The following VPS13A variants were observed in gnomAD, a reference collection of about 807,000 sequenced individuals.
VPS13A encodes the protein intermembrane lipid transfer protein VPS13A.
In VPS13A, 264 loss-of-function variants were observed where a neutral mutation model predicts 390.9. The ratio of observed to expected loss-of-function variants is 0.68; its 90% CI spans 0.61 to 0.75. The LOEUF is 0.75. VPS13A is among the 30% of genes least tolerant of loss of function. The pLI is 0.00. For missense variants in VPS13A, 3,409 were observed against 3,733.9 expected, an observed-to-expected ratio of 0.91 and a Z score of 2.27; for synonymous variants, 1,231 against 1,227.1, an observed-to-expected ratio of 1.00 and a Z score of -0.07.
At chr9:77,379,239 A>ATTTTT (rs1324201977) in intron 67 of VPS13A, among the ~76,000 whole-genome samples, 12 of 123,030 alleles carry the variant, frequency 9.8e-5, no homozygotes, top group African/African-American at 3.6e-4. Flanking sequence ...TACCCAGCTA[A>ATTTTT]TTTTTTTTTT....
intron 59 of VPS13A, among the ~76,000 whole-genome samples, chr9:77,361,156 C>T (rs1832117244): frequency 6.6e-6 from 1 of 152,088 alleles, no homozygotes; most frequent in Non-Finnish European, 1.5e-5. Flanking sequence ...ACATTTCACC[C>T]ATTTAAAAGA....
At chr9:77,202,625 A>T (rs752115415) in intron 3 of VPS13A, among the ~76,000 whole-genome samples, 4 of 152,164 alleles carry the variant, frequency 2.6e-5, no homozygotes, top group Non-Finnish European at 5.9e-5. Flanking sequence ...TGAATTTTAC[A>T]GTGATGATTG....
chr9:77,277,958 A>G (rs1826783743), intron 26 of VPS13A, among the ~76,000 whole-genome samples: 1 of 152,230 alleles, frequency 6.6e-6, no homozygotes, highest in South Asian at 2.1e-4. Context: ...CTAAATCATC[A>G]AGAAACAGTT....
At chr9:77,307,875 A>G in intron 34 of VPS13A, 70 bp from the exon 35 acceptor site, 2 of 1,292,678 alleles carry the variant, frequency 1.5e-6, no homozygotes. Context: ...TCCTCTGAGA[A>G]TTTTAACTGC....
intron 23 of VPS13A, among the ~76,000 whole-genome samples, chr9:77,263,707 C>G (rs1825880328): frequency 6.6e-6 from 1 of 152,140 alleles, no homozygotes; most frequent in Non-Finnish European, 1.5e-5. Context: ...CCTGCTCACT[C>G]TGATGATAAT....
chr9:77,194,603 G>C (rs1002179719), intron 1 of VPS13A, among the ~76,000 whole-genome samples: 1 of 152,098 alleles, frequency 6.6e-6, no homozygotes, highest in African/African-American at 2.4e-5. Context: ...TCAAATGTCT[G>C]TAGGGGTCAT....
At chr9:77,339,936 C>T in intron 48 of VPS13A, 25 bp downstream of exon 48, 1 of 1,604,034 alleles carries the variant, frequency 6.2e-7, no homozygotes. Context: ...TTCTGTTTTT[C>T]CCTTGTCTTT....
chr9:77,383,543 G>A (rs1446813399), intron 68 of VPS13A, among the ~76,000 whole-genome samples: 1 of 152,000 alleles, frequency 6.6e-6, no homozygotes, highest in African/African-American at 2.4e-5. Context: ...TACGAAGTAA[G>A]GATGAGTGTT....
At chr9:77,194,971 G>A (rs1278187138) in intron 1 of VPS13A, among the ~76,000 whole-genome samples, 2 of 152,104 alleles carry the variant, frequency 1.3e-5, no homozygotes, top group Non-Finnish European at 2.9e-5. Context: ...TTTAACATTT[G>A]ACGAAGTCCA....
At chr9:77,383,103 T>C (rs1267160068) in intron 68 of VPS13A, 6 of 890,004 alleles carry the variant, frequency 6.7e-6, no homozygotes, top group African/African-American at 1.8e-5. Flanking sequence ...ATTTTAAATA[T>C]TGTGATATTT....
intron 33 of VPS13A, among the ~76,000 whole-genome samples, chr9:77,298,525 A>G (rs1828144643): frequency 6.6e-6 from 1 of 152,132 alleles, no homozygotes; most frequent in South Asian, 2.1e-4. Flanking sequence ...TTAATAGTGT[A>G]TCATTTTTTT....
chr9:77,316,340 C>A lies in VPS13A; in HGVS notation c.4797C>A (p.Ala1599=). The change falls in exon 39 of 72, where the codon GCC becomes GCA. Residue 1599 remains alanine (A), a synonymous_variant. Coordinates refer to ENST00000360280, the MANE Select transcript of VPS13A (RefSeq NM_033305.3). The part of the protein sequence containing the change: ...GNLENSTMTA[A]IKDLQVRACP... ...TTGAAAATAGTACAATGACTGCTGC[C>A]ATTAAAGATCTCCAAGTGAGAGCCT... The A allele has an allele frequency of 5.0e-6, 8 of 1,613,102 alleles. No homozygotes were observed. The highest frequency in any genetic ancestry group is 6.8e-6 in the Non-Finnish European group (8 of 1,179,332).
chr9:77,178,507 A>G (rs545906672), intron 1 of VPS13A, among the ~76,000 whole-genome samples: 11 of 152,208 alleles, frequency 7.2e-5, no homozygotes, highest in East Asian at 5.8e-4. Flanking sequence ...AACATTTTCA[A>G]GACTTTAGGA....
chr9:77,367,795 T>G (rs140401770), intron 61 of VPS13A, among the ~76,000 whole-genome samples: 9 of 152,200 alleles, frequency 5.9e-5, no homozygotes, highest in Non-Finnish European at 1.3e-4. Context: ...CTCAGAACTC[T>G]CGAATTTACA....
intron 35 of VPS13A, among the ~76,000 whole-genome samples, chr9:77,308,796 A>G (rs1828909328): frequency 6.6e-6 from 1 of 152,160 alleles, no homozygotes; most frequent in South Asian, 2.1e-4. Flanking sequence ...CCTCAAAATG[A>G]AACCTACTAG....
chr9:77,209,191 T>G (rs1457422323), intron 5 of VPS13A, among the ~76,000 whole-genome samples: 1 of 152,226 alleles, frequency 6.6e-6, no homozygotes, highest in African/African-American at 2.4e-5. Flanking sequence ...AATTATAAAA[T>G]TTAATGCCAG....
chr9:77,194,941 G>A (rs1824901317), intron 1 of VPS13A, among the ~76,000 whole-genome samples: 1 of 151,974 alleles, frequency 6.6e-6, no homozygotes, highest in African/African-American at 2.4e-5. Flanking sequence ...TGTATATAGT[G>A]TCATGTGAGG....
In VPS13A at chr9:77,254,005, T is replaced by G. The variant is rs1006613329; in HGVS notation, c.2288+1653T>G. 5.6e-5 allele frequency among the ~76,000 whole-genome samples: 8 copies of G among 141,988 alleles called. No homozygotes were observed. The South Asian group carries it at 1.9e-3, about 33-fold the overall frequency. The allele number at this position is 141,988 out of a possible 152,430, so 93.1% of individuals were successfully genotyped here. On this transcript the variant is annotated intron_variant, in intron 22 of 71. Coordinates refer to ENST00000360280, the MANE Select transcript of VPS13A (RefSeq NM_033305.3). ...TCGCCCAGGCTGGAGTGCAGTGGCA[T>G]GATCTCGGCTCACTGCAGGCTCCGC...
At chr9:77,264,322 T>C (rs1379291783) in intron 23 of VPS13A, among the ~76,000 whole-genome samples, 1 of 152,204 alleles carries the variant, frequency 6.6e-6, no homozygotes, top group Non-Finnish European at 1.5e-5. Context: ...TTTTTTTGAA[T>C]TCTGTGAAGA....
Sources: allele counts gnomAD v4.1 joint callset (sites outside exome capture counted in the v4.1 genomes callset), GRCh38; gene constraint gnomAD v4.1.1; transcripts MANE v1.5; gene names NCBI Gene and HGNC (gene_info 2026-07-23, HGNC 2026-07-21).